Variants in CADM2 observed in about 807,000 individuals in gnomAD.
CADM2 encodes the protein immunoglobulin superfamily member 4D.
A neutral mutation model predicts 49.8 loss-of-function variants in CADM2; 12 were observed. The observed-to-expected ratio is 0.24, with a 90% CI of 0.15 to 0.39. The LOEUF is 0.39. Among genes scored for constraint, CADM2 ranks in the 10% least tolerant of loss-of-function variants. The pLI, the probability that CADM2 is intolerant of heterozygous loss-of-function variation, is 1.00. For synonymous variants in CADM2, 214 were observed against 175.4 expected, an observed-to-expected ratio of 1.22 and a Z score of -1.74; for missense variants, 378 against 492.3, an observed-to-expected ratio of 0.77 and a Z score of 2.20.
At chr3:86,061,195 A>T (rs1327877716) in intron 8 of CADM2, among the ~76,000 whole-genome samples, 1 of 152,086 alleles carries the variant, frequency 6.6e-6, no homozygotes, top group Non-Finnish European at 1.5e-5. Context: ...AATACACTAT[A>T]TAAAGCAAAA....
intron 7 of CADM2, among the ~76,000 whole-genome samples, chr3:85,946,278 G>A (rs1215135812): frequency 6.6e-6 from 1 of 150,538 alleles, no homozygotes; most frequent in African/African-American, 2.5e-5. Context: ...CTAAATAAAA[G>A]AGGACACAAT....
At chr3:85,913,466 T>C (rs1717886935) in intron 6 of CADM2, among the ~76,000 whole-genome samples, 3 of 152,202 alleles carry the variant, frequency 2.0e-5, no homozygotes, top group Admixed American at 2.0e-4. Context: ...GCAATTACAT[T>C]AAATCCTAAA....
chr3:85,343,816 T>C (rs1210924499), intron 1 of CADM2, among the ~76,000 whole-genome samples: 1 of 152,208 alleles, frequency 6.6e-6, no homozygotes, highest in African/African-American at 2.4e-5. Context: ...TTGATTTACT[T>C]GAGTTATCTT....
intron 1 of CADM2, among the ~76,000 whole-genome samples, chr3:85,086,349 T>A (rs2037375261): frequency 6.6e-6 from 1 of 151,904 alleles, no homozygotes; most frequent in Admixed American, 6.6e-5. Context: ...GCTCATAGAA[T>A]GGATTCCATG....
At chr3:85,290,719 C>T (rs1452808571) in intron 1 of CADM2, among the ~76,000 whole-genome samples, 1 of 152,164 alleles carries the variant, frequency 6.6e-6, no homozygotes. Context: ...AGACCTGCAG[C>T]TGAGGGTCCT....
chr3:85,251,728 G>A (rs1331626267), intron 1 of CADM2, among the ~76,000 whole-genome samples: 1 of 151,876 alleles, frequency 6.6e-6, no homozygotes, highest in African/African-American at 2.4e-5. Flanking sequence ...TCCTATCACT[G>A]GCATATTTTT....
At chr3:85,026,932 C>G (rs1021240064) in intron 1 of CADM2, among the ~76,000 whole-genome samples, 3 of 151,704 alleles carry the variant, frequency 2.0e-5, no homozygotes, top group African/African-American at 7.3e-5. Context: ...ATTTTATGTA[C>G]TACTTTTAGC....
intron 1 of CADM2, among the ~76,000 whole-genome samples, chr3:85,212,878 C>A (rs1363501049): frequency 1.7e-5 from 2 of 119,538 alleles, no homozygotes; most frequent in African/African-American, 8.5e-5. Flanking sequence ...TTCTTTCTTT[C>A]TTTCTTTCTC....
At chr3:85,128,107 A>G (rs1360980995) in intron 1 of CADM2, among the ~76,000 whole-genome samples, 2 of 152,288 alleles carry the variant, frequency 1.3e-5, no homozygotes, top group East Asian at 3.9e-4. Flanking sequence ...GTGCTTATAT[A>G]TGTTTTTATT....
At chr3:84,981,297 T>C (rs983994950) in intron 1 of CADM2, among the ~76,000 whole-genome samples, 10 of 152,094 alleles carry the variant, frequency 6.6e-5, no homozygotes, top group Middle Eastern at 6.8e-3. Context: ...TGAGAAAGAA[T>C]AGAAAATCCT....
chr3:85,398,562 A>G (rs1425887555), intron 1 of CADM2, among the ~76,000 whole-genome samples: 1 of 152,192 alleles, frequency 6.6e-6, no homozygotes, highest in Non-Finnish European at 1.5e-5. Flanking sequence ...CTAGTTCTAG[A>G]TACCTGAGGA....
intron 1 of CADM2, among the ~76,000 whole-genome samples, chr3:85,223,932 T>A (rs1251545128): frequency 6.6e-6 from 1 of 152,092 alleles, no homozygotes; most frequent in African/African-American, 2.4e-5. Flanking sequence ...GGACATGAAC[T>A]CATCATTTTT....
At chr3:85,499,254 A>G (rs2040022439) in intron 1 of CADM2, among the ~76,000 whole-genome samples, 1 of 152,132 alleles carries the variant, frequency 6.6e-6, no homozygotes, top group Admixed American at 6.5e-5. Flanking sequence ...TTCTCACAGG[A>G]AATCTGAATT....
At chr3:85,101,947 T>A (rs2038028219) in intron 1 of CADM2, among the ~76,000 whole-genome samples, 1 of 152,168 alleles carries the variant, frequency 6.6e-6, no homozygotes, top group Non-Finnish European at 1.5e-5. Flanking sequence ...TGTCAGTTTC[T>A]CTTAATTGGA....
At chr3:85,724,902 CTT>C (rs942664421) in intron 1 of CADM2, among the ~76,000 whole-genome samples, 1 of 151,684 alleles carries the variant, frequency 6.6e-6, no homozygotes, top group Non-Finnish European at 1.5e-5. Context: ...AATTTTAAAA[CTT>C]AAGTTTTGAT....
At chr3:85,643,294 T>G (rs555724180) in intron 1 of CADM2, among the ~76,000 whole-genome samples, 1 of 152,212 alleles carries the variant, frequency 6.6e-6, no homozygotes, top group Non-Finnish European at 1.5e-5. Flanking sequence ...GCATGTATTA[T>G]TCAACTTGTT....
At chr3:84,961,473 A>G (rs1190234179) in intron 1 of CADM2, among the ~76,000 whole-genome samples, 5 of 152,040 alleles carry the variant, frequency 3.3e-5, no homozygotes, top group Non-Finnish European at 7.4e-5. Flanking sequence ...GCCGAGTCCC[A>G]TTTCTCACCT....
intron 1 of CADM2, among the ~76,000 whole-genome samples, chr3:85,541,712 T>A (rs201360949): frequency 8.8e-4 from 33 of 37,394 alleles, no homozygotes; most frequent in Non-Finnish European, 6.4e-4. Context: ...ATATATATAT[T>A]TTATATTATA....
intron 1 of CADM2, among the ~76,000 whole-genome samples, chr3:85,072,924 G>A (rs1338534875): frequency 6.6e-6 from 1 of 151,968 alleles, no homozygotes; most frequent in Non-Finnish European, 1.5e-5. Context: ...TTTAACCCTT[G>A]AAATTAATAA....
Sources: gnomAD v4.1 joint callset for allele counts (sites outside exome capture counted in the v4.1 genomes callset) on GRCh38, gnomAD v4.1.1 for gene constraint, MANE v1.5 for transcripts, NCBI Gene and HGNC (gene_info 2026-07-23, HGNC 2026-07-21) for gene names.